PCDH15: variants seen among roughly 807,000 people sequenced by gnomAD.
PCDH15 encodes the protein protocadherin-15.
PCDH15 carries 129 observed loss-of-function variants against 178.5 expected under a neutral mutation model. The observed-to-expected ratio is 0.72, with a 90% CI of 0.63 to 0.84. The LOEUF is 0.84. Ranked by LOEUF, PCDH15 falls within the 40% of genes least tolerant of loss-of-function variation. The pLI, the probability that PCDH15 is intolerant of heterozygous loss-of-function variation, is 0.00. For synonymous variants in PCDH15, 800 were observed against 732.0 expected (o/e 1.09, Z -1.50); for missense variants, 2,230 against 2,099.9 (o/e 1.06, Z -1.21).
At chr10:54,142,472 A>G (rs2043500220) in intron 14 of PCDH15, among the ~76,000 whole-genome samples, 1 of 152,144 alleles carries the variant, frequency 6.6e-6, no homozygotes, top group African/African-American at 2.4e-5. Context: ...ACTATTGTGG[A>G]AACTGTAGGT....
intron 3 of PCDH15, among the ~76,000 whole-genome samples, chr10:54,426,371 G>A (rs11004298): frequency 0.14 from 21,888 of 152,026 alleles, 1,676 homozygotes; most frequent in Middle Eastern, 0.23. Context: ...CATAAGGAGC[G>A]TGCAACCTAG....
intron 15 of PCDH15, among the ~76,000 whole-genome samples, chr10:54,132,451 C>G (rs897879960): frequency 1.3e-5 from 2 of 152,148 alleles, no homozygotes; most frequent in Admixed American, 1.3e-4. Context: ...ATTAGAATGC[C>G]TACCATCAGC....
chr10:54,436,066 A>AGAAAGAAG (rs2075387144), intron 3 of PCDH15, among the ~76,000 whole-genome samples: 1 of 143,580 alleles, frequency 7.0e-6, no homozygotes, highest in Non-Finnish European at 1.5e-5. Flanking sequence ...AAAGAAAGAA[A>AGAAAGAAG]GAAAGAAGGA....
intron 1 of PCDH15, among the ~76,000 whole-genome samples, chr10:55,259,638 G>C (rs1435181625): frequency 3.3e-5 from 5 of 152,056 alleles, no homozygotes. Context: ...GGGCACAGTG[G>C]CTCACACCTG....
intron 2 of PCDH15, among the ~76,000 whole-genome samples, chr10:54,552,978 C>T (rs1371817315): frequency 2.0e-5 from 3 of 152,096 alleles, no homozygotes; most frequent in Non-Finnish European, 2.9e-5. Flanking sequence ...TTCACTATAC[C>T]TACCAATTCT....
intron 2 of PCDH15, among the ~76,000 whole-genome samples, chr10:54,556,281 A>G (rs954198382): frequency 1.3e-5 from 2 of 152,182 alleles, no homozygotes; most frequent in East Asian, 1.9e-4. Flanking sequence ...AGAAAAATCA[A>G]TGATGTACCT....
chr10:54,023,120 T>C lies in PCDH15; in HGVS notation c.2298A>G (p.Thr766=), dbSNP rs1174527588. Residue 766 remains threonine (T), a synonymous_variant, in exon 19 of 38, where the codon ACA becomes ACG. Transcript: ENST00000644397. ...CTGCTGTGTAAATGCTCCCATTGGA[T>C]GTGATACGAAAAAGATTATTAAAGT... is the stretch of plus-strand genomic sequence containing the variant. ...LGNFNNLFRI[T]SNGSIYTAVK... 1.2e-6 allele frequency: 2 copies of C among 1,613,826 alleles called. No individual in the cohort carries two copies. Among genetic ancestry groups the C allele is most frequent in the East Asian group, 2.2e-5 (1 of 44,882 alleles).
intron 18 of PCDH15, among the ~76,000 whole-genome samples, chr10:54,058,284 C>T (rs1466890623): frequency 1.3e-5 from 2 of 152,178 alleles, no homozygotes; most frequent in Non-Finnish European, 2.9e-5. Flanking sequence ...TGCTAATAAA[C>T]ACATACCTGA....
intron 8 of PCDH15, among the ~76,000 whole-genome samples, chr10:54,281,550 C>T (rs992302683): frequency 6.6e-6 from 1 of 151,834 alleles, no homozygotes; most frequent in African/African-American, 2.4e-5. Context: ...TAAGAATGAA[C>T]TTCATGTGGT....
chr10:55,200,774 G>C (rs1262164915), intron 1 of PCDH15, among the ~76,000 whole-genome samples: 1 of 151,970 alleles, frequency 6.6e-6, no homozygotes, highest in African/African-American at 2.4e-5. Flanking sequence ...GTTCTCATGA[G>C]ATTTGGTTGT....
At chr10:55,105,185 G>T (rs988083096) in intron 2 of PCDH15, among the ~76,000 whole-genome samples, 1 of 152,082 alleles carries the variant, frequency 6.6e-6, no homozygotes, top group African/African-American at 2.4e-5. Flanking sequence ...TGCTTAATTT[G>T]TAGTAGCACA....
intron 3 of PCDH15, among the ~76,000 whole-genome samples, chr10:54,882,323 T>C (rs1954278649): frequency 6.6e-6 from 1 of 151,984 alleles, no homozygotes; most frequent in African/African-American, 2.4e-5. Flanking sequence ...TTTAAAGTAA[T>C]ATTAAAGGAG....
intron 3 of PCDH15, among the ~76,000 whole-genome samples, chr10:54,858,472 T>A (rs938243074): frequency 1.1e-4 from 16 of 152,284 alleles, no homozygotes; most frequent in Non-Finnish European, 1.6e-4. Context: ...GATTAGGCCC[T>A]GATAATGGTG....
intron 3 of PCDH15, among the ~76,000 whole-genome samples, chr10:54,486,479 TAC>T (rs1350647656): frequency 1.3e-5 from 2 of 152,070 alleles, no homozygotes; most frequent in Admixed American, 6.6e-5. Context: ...GTAATTTACA[TAC>T]AGTTATATTA....
intron 15 of PCDH15, among the ~76,000 whole-genome samples, chr10:54,104,168 G>T (rs2094865187): frequency 6.6e-6 from 1 of 152,150 alleles, no homozygotes; most frequent in Non-Finnish European, 1.5e-5. Context: ...TCAGACAAAA[G>T]TGGAAAGGCT....
At chr10:54,617,064 A>G (rs759071428) in intron 2 of PCDH15, among the ~76,000 whole-genome samples, 10 of 112,324 alleles carry the variant, frequency 8.9e-5, no homozygotes, top group Admixed American at 2.7e-4. Flanking sequence ...ATTTTTATTT[A>G]TTTATTTTTT....
At chr10:54,858,240 T>C (rs1953775509) in intron 3 of PCDH15, among the ~76,000 whole-genome samples, 1 of 152,182 alleles carries the variant, frequency 6.6e-6, no homozygotes, top group Admixed American at 6.5e-5. Flanking sequence ...AAATGACAAT[T>C]TCCTTCTTTT....
intron 3 of PCDH15, among the ~76,000 whole-genome samples, chr10:54,511,493 T>C (rs1417382364): frequency 6.6e-6 from 1 of 152,192 alleles, no homozygotes; most frequent in Non-Finnish European, 1.5e-5. Flanking sequence ...CCCAGTTTTA[T>C]AGAGTTTATT....
chr10:54,908,486 C>G (rs1460058215), intron 2 of PCDH15, among the ~76,000 whole-genome samples: 4 of 152,144 alleles, frequency 2.6e-5, no homozygotes, highest in Non-Finnish European at 5.9e-5. Flanking sequence ...CCCACAAGGC[C>G]ACAGCTCTTA....
Sources: gnomAD v4.1 joint callset for allele counts (sites outside exome capture counted in the v4.1 genomes callset) on GRCh38, gnomAD v4.1.1 for gene constraint, MANE v1.5 for transcripts, NCBI Gene and HGNC (gene_info 2026-07-23, HGNC 2026-07-21) for gene names.